The following DYRK1B variants were observed in gnomAD, a reference collection of about 807,000 sequenced individuals.
DYRK1B encodes the protein dual specificity tyrosine phosphorylation regulated kinase 1B.
Under a neutral mutation model 57.1 loss-of-function variants are expected in DYRK1B, and 20 were observed. The ratio of observed to expected loss-of-function variants is 0.35; its 90% CI spans 0.25 to 0.51. The LOEUF (loss-of-function observed/expected upper bound fraction) is 0.51, where lower values mean the gene tolerates loss of function less well. Among genes scored for constraint, DYRK1B ranks in the 20% least tolerant of loss-of-function variants. DYRK1B has a pLI of 0.96. For synonymous variants in DYRK1B, 409 were observed against 384.7 expected, an observed-to-expected ratio of 1.06 and a Z score of -0.74; for missense variants, 732 against 886.3, an observed-to-expected ratio of 0.83 and a Z score of 2.21.
chr19:39,829,507 G>A (rs889874494), intron 5 of DYRK1B, among the ~76,000 whole-genome samples: 2 of 152,184 alleles, frequency 1.3e-5, no homozygotes, highest in African/African-American at 4.8e-5. Flanking sequence ...GATTACAGGC[G>A]TGAGCCACTG....
intron 2 of DYRK1B, 89 bp downstream of exon 2, chr19:39,831,716 G>T: frequency 6.7e-7 from 1 of 1,494,488 alleles, no homozygotes; most frequent in Non-Finnish European, 9.1e-7. Flanking sequence ...GAATGTCTTG[G>T]GCAACCACAC....
At position 39,828,444 on chromosome 19, in the gene DYRK1B, C is replaced by T; in HGVS notation, c.660G>A (p.Gln220=). The change falls in exon 6 of 11, where the codon CAG becomes CAA. Residue 220 remains glutamine, a synonymous_variant. Coordinates refer to ENST00000323039, the MANE Select transcript of DYRK1B (RefSeq NM_004714.3). The surrounding 1 kb of genome is among the most constrained non-coding windows in gnomAD (Gnocchi z 4.3). ...CCAGAAAGAGCAGTGCCGTGCAGAGCTGCTGCGCCAGCTTCCGGGTCAGGT... is the reference window on the plus strand; with the variant it reads ...CCAGAAAGAGCAGTGCCGTGCAGAGTTGCTGCGCCAGCTTCCGGGTCAGGT... ...SLNLTRKLAQ[Q]LCTALLFLAT... The T allele has an allele frequency of 1.9e-6, 3 of 1,613,944 alleles. No homozygotes were observed. Among genetic ancestry groups the T allele is most frequent in the Non-Finnish European group, 2.5e-6 (3 of 1,179,938 alleles).
chr19:39,831,771 C>T (rs1968822657), intron 2 of DYRK1B, 34 bp downstream of exon 2: 2 of 1,549,240 alleles, frequency 1.3e-6, no homozygotes, highest in East Asian at 2.4e-5. Context: ...CTCCCCCTAC[C>T]ACCACGCAGG....
chr19:39,833,349 G>C lies in DYRK1B; in HGVS notation c.-102+674C>G, dbSNP rs977584119. On this transcript the variant is annotated intron_variant, in intron 1 of 10. Coordinates refer to ENST00000323039, the MANE Select transcript of DYRK1B (RefSeq NM_004714.3). Reference sequence around the variant, plus strand: ...GGGGTGGGCGAGCGGCCAGCATGGCGGCGGTGGCGGCGCTGAAAAGGCGAC... The same window carrying C: ...GGGGTGGGCGAGCGGCCAGCATGGCCGCGGTGGCGGCGCTGAAAAGGCGAC... The C allele has an allele frequency of 8.1e-6, 8 of 985,532 alleles. No individual in the cohort carries two copies. In the African/African-American group the frequency reaches 1.4e-4, roughly 17 times the overall value. 61.0% of individuals were successfully genotyped at this position (985,532 alleles called of 1,614,324 possible).
Position 39,825,570 on chromosome 19 carries a change from G to C in DYRK1B, c.*145C>G, listed in dbSNP as rs1968488338. The C allele has an allele frequency of 1.2e-6, 1 of 824,498 alleles. No individual in the cohort carries two copies. The highest frequency in any genetic ancestry group is 1.7e-5 in the African/African-American group (1 of 58,108). The allele number at this position is 824,498 out of a possible 1,614,324, so 51.1% of individuals were successfully genotyped here. On this transcript the variant is annotated 3_prime_UTR_variant, in exon 11 of 11. Transcript: ENST00000323039. ...CCAAAACCCTCTCCTTGACCCCCCT[G>C]CCCCAGGCCCCAATCAGTGCAGGCC...
At chr19:39,830,848 A>C in intron 2 of DYRK1B, 65 bp from the exon 3 acceptor site, 1 of 1,535,854 alleles carries the variant, frequency 6.5e-7, no homozygotes, top group Non-Finnish European at 8.8e-7. Context: ...AAGAGGAAGA[A>C]CTGTAAGGGC....
At chr19:39,833,059 C>T (rs976717502) in intron 1 of DYRK1B, 3 of 985,420 alleles carry the variant, frequency 3.0e-6, no homozygotes, top group Non-Finnish European at 3.6e-6. Context: ...CCCAAGTTAT[C>T]ACATAGGGTT....
intron 4 of DYRK1B, 22 bp from the exon 5 acceptor site, chr19:39,830,049 C>T (rs778270175): frequency 3.1e-6 from 5 of 1,612,568 alleles, no homozygotes; most frequent in Admixed American, 1.7e-5. Flanking sequence ...GGGCATGTCA[C>T]GAAGAAAGGG....
rs1968544320 is a variant in DYRK1B at position 39,826,454 on chromosome 19, G to GT, written c.1412-169dup. Among the ~76,000 whole-genome samples the GT allele has an allele frequency of 6.6e-6, 1 of 152,220 alleles. No homozygotes were observed. The highest frequency in any genetic ancestry group is 2.4e-5 in the African/African-American group (1 of 41,450). On this transcript the variant is annotated intron_variant, in intron 9 of 10. Coordinates refer to ENST00000323039, the MANE Select transcript of DYRK1B (RefSeq NM_004714.3). This position sits in a 1 kb window ranked among gnomAD's most constrained non-coding sequence, Gnocchi z 6.3. ...TTCTGAGATTCTGGGTTGGAATTCA[G>GT]TTTTGGGTTTTAGAGTCAGAACCAG...
Position 39,828,665 on chromosome 19 carries a change from T to C in DYRK1B, c.521-82A>G. ...GTGGCCTGGGGTCATACAACGCTCT[T>C]TGATTACTAGCCACATTGTGCTGTC... On this transcript the variant is annotated intron_variant, in intron 5 of 10. Transcript: ENST00000323039. This position sits in a 1 kb window ranked among gnomAD's most constrained non-coding sequence, Gnocchi z 4.3. 1 of 1,416,476 alleles carries C rather than the reference T, an allele frequency of 7.1e-7. No homozygotes were observed. The highest frequency in any genetic ancestry group is 9.6e-7 in the Non-Finnish European group (1 of 1,040,444). 87.7% of individuals were successfully genotyped at this position (1,416,476 alleles called of 1,614,324 possible).
intron 2 of DYRK1B, 130 bp downstream of exon 2, chr19:39,831,675 C>T: frequency 6.6e-6 from 8 of 1,208,568 alleles, no homozygotes; most frequent in Non-Finnish European, 9.4e-6. Flanking sequence ...TGTTATTTTC[C>T]AATCCCATGG....
In DYRK1B at chr19:39,832,881, CCA is replaced by C. The variant is rs1391580984; in HGVS notation, c.-101-915_-101-914del. On this transcript the variant is annotated intron_variant, in intron 1 of 10. Coordinates refer to ENST00000323039, the MANE Select transcript of DYRK1B (RefSeq NM_004714.3). The stretch of plus-strand genomic sequence containing the variant: ...TGGGAGAAGGAGGAGGTGTCTCTTC[CCA>C]CAGTTTAGAGTGATCATCCTTTTCT... The C allele has an allele frequency of 4.1e-6, 4 of 983,090 alleles. No homozygotes were observed. In the African/African-American group the frequency reaches 5.3e-5, roughly 13 times the overall value. 60.9% of individuals were successfully genotyped at this position (983,090 alleles called of 1,614,324 possible). A position where few individuals can be genotyped will look rare whatever the true frequency, so the allele number is the denominator to read the frequency against.
chr19:39,828,664 T>C lies in DYRK1B; in HGVS notation c.521-81A>G, dbSNP rs1323957430. 5.6e-6 allele frequency: 8 copies of C among 1,420,526 alleles called. No homozygotes were observed. Among genetic ancestry groups the C allele is most frequent in the Admixed American group, 4.2e-5 (2 of 47,094 alleles). 88.0% of individuals were successfully genotyped at this position (1,420,526 alleles called of 1,614,324 possible). On this transcript the variant is annotated intron_variant, in intron 5 of 10. Transcript: ENST00000323039. The surrounding 1 kb of genome is among the most constrained non-coding windows in gnomAD (Gnocchi z 4.3). ...GGTGGCCTGGGGTCATACAACGCTC[T>C]TTGATTACTAGCCACATTGTGCTGT...
Position 39,827,593 on chromosome 19 carries a change from C to T in DYRK1B, c.871G>A (p.Asp291Asn), listed in dbSNP as rs373285451. 19 of 1,613,954 alleles carry T rather than the reference C, an allele frequency of 1.2e-5. No homozygotes were observed. The highest frequency in any genetic ancestry group is 9.3e-5 in the African/African-American group (7 of 74,890). The change falls in exon 7 of 11, where the codon GAC (aspartate) becomes AAC (asparagine). Residue 291 changes from aspartate to asparagine, a missense_variant. This residue lies in a region of DYRK1B where 510 missense variants were observed against 681.3 expected (regional missense o/e 0.75). Transcript: ENST00000323039. ...SPEVLLGTPY[D>N]LAIDMWSLGC... Reference sequence around the variant, plus strand: ...AGGGACCACATGTCAATGGCCAGGTCGTAGGGTGTGCCCAGGAGCACCTCA... The same window carrying T: ...AGGGACCACATGTCAATGGCCAGGTTGTAGGGTGTGCCCAGGAGCACCTCA...
intron 5 of DYRK1B, among the ~76,000 whole-genome samples, chr19:39,829,284 T>C (rs1005592742): frequency 3.3e-5 from 5 of 151,640 alleles, no homozygotes; most frequent in African/African-American, 1.2e-4. Flanking sequence ...TGGAGTGCAG[T>C]GGCGTGGTCC....
chr19:39,831,742 A>G, intron 2 of DYRK1B, 63 bp downstream of exon 2: 1 of 1,543,364 alleles, frequency 6.5e-7, no homozygotes, highest in South Asian at 1.2e-5. Flanking sequence ...TTTGGTCTGG[A>G]GACCTTTCTA....
chr19:39,830,086 A>T, intron 4 of DYRK1B, 59 bp from the exon 5 acceptor site: 3 of 1,585,720 alleles, frequency 1.9e-6, no homozygotes, highest in Non-Finnish European at 2.6e-6. Flanking sequence ...GCCAGGCACC[A>T]TTCTTCTCCC....
At position 39,827,101 on chromosome 19, in the gene DYRK1B, T is replaced by C. The variant is rs536068084; in HGVS notation, c.1096-114A>G. ...CAAGAGAGAAAGTGGAAAGAAAAGC[T>C]AAGAAGAGTTGTGGGGTGGGAAGGA... On this transcript the variant is annotated intron_variant, in intron 8 of 10. Coordinates refer to ENST00000323039, the MANE Select transcript of DYRK1B (RefSeq NM_004714.3). 94 of 1,150,346 alleles carry C rather than the reference T, an allele frequency of 8.2e-5. 1 individual carries two copies. The East Asian group carries it at 1.7e-3, about 21-fold the overall frequency. The allele number at this position is 1,150,346 out of a possible 1,614,324, so 71.3% of individuals were successfully genotyped here.
At position 39,828,701 on chromosome 19, in the gene DYRK1B, C is replaced by G; in HGVS notation, c.521-118G>C. The G allele has an allele frequency of 9.7e-7, 1 of 1,032,818 alleles. No individual in the cohort carries two copies. The highest frequency in any genetic ancestry group is 1.4e-6 in the Non-Finnish European group (1 of 716,324). The allele number at this position is 1,032,818 out of a possible 1,614,324, so 64.0% of individuals were successfully genotyped here. ...CCACATTGTGCTGTCCCCACGGGTA[C>G]CATCTGCTAGTCAAAATCTTTTTAT... On this transcript the variant is annotated intron_variant, in intron 5 of 10. Transcript: ENST00000323039. This position sits in a 1 kb window ranked among gnomAD's most constrained non-coding sequence, Gnocchi z 4.3.
Sources: gnomAD v4.1 joint callset for allele counts (sites outside exome capture counted in the v4.1 genomes callset) on GRCh38, gnomAD v4.1.1 for gene constraint, gnomAD v4.1.1 regional missense constraint, Gnocchi (gnomAD v3.1) non-coding constraint, MANE v1.5 for transcripts, NCBI Gene and HGNC (gene_info 2026-07-23, HGNC 2026-07-21) for gene names.